Variants in LRMDA observed in about 807,000 individuals in gnomAD.
LRMDA encodes leucine-rich melanocyte differentiation-associated protein.
In LRMDA, 18 loss-of-function variants were observed where a neutral mutation model predicts 29.8. The observed-to-expected ratio is 0.60, with a 90% CI of 0.42 to 0.90. The LOEUF (loss-of-function observed/expected upper bound fraction) is 0.90. Among genes scored for constraint, LRMDA ranks in the 40% least tolerant of loss-of-function variants. The pLI, the probability that LRMDA is intolerant of heterozygous loss-of-function variation, is 0.00. For missense variants in LRMDA, 273 were observed against 273.9 expected (o/e 1.00, Z 0.02); for synonymous variants, 125 against 109.4 (o/e 1.14, Z -0.89).
intron 5 of LRMDA, among the ~76,000 whole-genome samples, chr10:76,112,474 C>T (rs1368864421): frequency 6.6e-6 from 1 of 152,236 alleles, no homozygotes; most frequent in Non-Finnish European, 1.5e-5. Context: ...TTGCACGGAT[C>T]CCCCAAAGAG....
At chr10:76,195,772 C>T (rs1211782965) in intron 5 of LRMDA, among the ~76,000 whole-genome samples, 3 of 152,262 alleles carry the variant, frequency 2.0e-5, no homozygotes, top group East Asian at 1.9e-4. Flanking sequence ...AAAATAGGGT[C>T]TAAAAAGCAA....
chr10:76,146,284 AGTGGG>A (rs1332761961), intron 5 of LRMDA, among the ~76,000 whole-genome samples: 10 of 151,888 alleles, frequency 6.6e-5, no homozygotes, highest in Non-Finnish European at 1.3e-4. Context: ...TAATGTTGAC[AGTGGG>A]GTGTTAAAGT....
intron 6 of LRMDA, among the ~76,000 whole-genome samples, chr10:76,342,326 G>A (rs1233055505): frequency 1.3e-5 from 2 of 152,022 alleles, no homozygotes; most frequent in Non-Finnish European, 1.5e-5. Flanking sequence ...AGAATAGCTA[G>A]AGAAGTATAT....
chr10:76,327,849 A>G (rs183512678), intron 6 of LRMDA, among the ~76,000 whole-genome samples: 6 of 152,356 alleles, frequency 3.9e-5, no homozygotes, highest in Middle Eastern at 3.4e-3. Context: ...ATATGTGTTC[A>G]TTCATTACCA....
intron 2 of LRMDA, among the ~76,000 whole-genome samples, chr10:76,031,008 G>C (rs536989685): frequency 6.6e-6 from 1 of 152,158 alleles, no homozygotes; most frequent in Non-Finnish European, 1.5e-5. Context: ...TTGGAGTGGT[G>C]GGGGGAGTAT....
chr10:75,562,018 G>A (rs1297849236), intron 2 of LRMDA, among the ~76,000 whole-genome samples: 3 of 152,174 alleles, frequency 2.0e-5, no homozygotes, highest in Non-Finnish European at 1.5e-5. Context: ...TTGATTTGGG[G>A]TGGAGAGTTC....
intron 6 of LRMDA, among the ~76,000 whole-genome samples, chr10:76,453,897 C>T (rs1294650634): frequency 6.6e-6 from 1 of 152,156 alleles, no homozygotes; most frequent in African/African-American, 2.4e-5. Flanking sequence ...TATCTATGTA[C>T]ATATTCCATG....
At chr10:75,513,993 G>A (rs1384023642) in intron 2 of LRMDA, among the ~76,000 whole-genome samples, 3 of 152,062 alleles carry the variant, frequency 2.0e-5, no homozygotes, top group Non-Finnish European at 4.4e-5. Flanking sequence ...ATTTCTCCTC[G>A]TAGTTTTCTC....
intron 4 of LRMDA, among the ~76,000 whole-genome samples, chr10:76,057,189 T>C (rs906691098): frequency 1.3e-5 from 2 of 152,222 alleles, no homozygotes; most frequent in Non-Finnish European, 2.9e-5. Flanking sequence ...AGTAGACCTC[T>C]TGCTCTGTGC....
intron 6 of LRMDA, among the ~76,000 whole-genome samples, chr10:76,359,049 C>G (rs997954856): frequency 3.9e-5 from 6 of 152,134 alleles, no homozygotes; most frequent in Admixed American, 3.9e-4. Context: ...GTTCTCCCAG[C>G]CCATCCACTA....
At chr10:76,476,433 A>T (rs1312084827) in intron 6 of LRMDA, among the ~76,000 whole-genome samples, 1 of 152,180 alleles carries the variant, frequency 6.6e-6, no homozygotes, top group Non-Finnish European at 1.5e-5. Context: ...AAAAAAGTCC[A>T]GAACCAGACG....
chr10:75,825,563 CG>C (rs1564578644), intron 2 of LRMDA, among the ~76,000 whole-genome samples: 1 of 151,952 alleles, frequency 6.6e-6, no homozygotes, highest in East Asian at 1.9e-4. Flanking sequence ...TGGGAGAGCC[CG>C]AGCTTACCAC....
chr10:76,123,371 T>C (rs1361058943), intron 5 of LRMDA, among the ~76,000 whole-genome samples: 6 of 148,354 alleles, frequency 4.0e-5, no homozygotes, highest in Non-Finnish European at 8.9e-5. Context: ...TAGCCAGGTA[T>C]GGCGGCTCAC....
intron 2 of LRMDA, among the ~76,000 whole-genome samples, chr10:75,806,755 G>A (rs773813868): frequency 1.4e-5 from 2 of 147,338 alleles, no homozygotes; most frequent in Non-Finnish European, 3.0e-5. Flanking sequence ...TTTGCTGTGT[G>A]CTAGGACCCC....
At chr10:76,407,775 A>G (rs1841917516) in intron 6 of LRMDA, among the ~76,000 whole-genome samples, 1 of 152,186 alleles carries the variant, frequency 6.6e-6, no homozygotes, top group Non-Finnish European at 1.5e-5. Flanking sequence ...TCAATAAATG[A>G]CTTCATATAG....
chr10:76,243,584 A>G (rs925921113), intron 5 of LRMDA, among the ~76,000 whole-genome samples: 5 of 152,156 alleles, frequency 3.3e-5, no homozygotes, highest in African/African-American at 4.8e-5. Flanking sequence ...TATAAGGGGA[A>G]CTTAAGCTTC....
At position 76,497,051 on chromosome 10, in the gene LRMDA, A is replaced by T. The variant is rs542628806; in HGVS notation, c.602-60158A>T. ...TACATTATGGTCACTTTTGTGGATTATAATAGGGAAAATGATGATTCGAAG... is the reference window on the plus strand; with the variant it reads ...TACATTATGGTCACTTTTGTGGATTTTAATAGGGAAAATGATGATTCGAAG... On this transcript the variant is annotated intron_variant, in intron 6 of 6. Coordinates refer to ENST00000611255, the MANE Select transcript of LRMDA (RefSeq NM_001305581.2). 3.2e-3 allele frequency among the ~76,000 whole-genome samples: 242 copies of T among 75,692 alleles called. 69 individuals are homozygous for T. Among genetic ancestry groups the T allele is most frequent in the African/African-American group, 7.6e-3 (235 of 31,100 alleles). The allele number at this position is 75,692 out of a possible 152,430, so 49.7% of individuals were successfully genotyped here.
intron 2 of LRMDA, among the ~76,000 whole-genome samples, chr10:75,891,012 G>C (rs538413651): frequency 6.6e-6 from 1 of 152,234 alleles, no homozygotes; most frequent in African/African-American, 2.4e-5. Context: ...GCTGAGGCAG[G>C]AGAATTGCCT....
At chr10:75,679,670 A>G (rs1842001493) in intron 2 of LRMDA, among the ~76,000 whole-genome samples, 1 of 152,186 alleles carries the variant, frequency 6.6e-6, no homozygotes, top group African/African-American at 2.4e-5. Flanking sequence ...ACATACTAAC[A>G]TTCTGATGGC....
Sources: allele counts gnomAD v4.1 joint callset (sites outside exome capture counted in the v4.1 genomes callset), GRCh38; gene constraint gnomAD v4.1.1; transcripts MANE v1.5; gene names NCBI Gene and HGNC (gene_info 2026-07-23, HGNC 2026-07-21).